BIRC3: variants seen among roughly 807,000 people sequenced by gnomAD.
BIRC3 encodes baculoviral IAP repeat-containing protein 3.
In BIRC3, 26 loss-of-function variants were observed where a neutral mutation model predicts 59.0. The observed-to-expected ratio is 0.44, with a 90% CI of 0.32 to 0.61. The LOEUF is 0.61. Among genes scored for constraint, BIRC3 ranks in the 20% least tolerant of loss-of-function variants. The probability of loss-of-function intolerance (pLI) is 0.04; values close to 1 mark genes in which losing one functional copy is unlikely to be tolerated. For synonymous variants in BIRC3, 243 were observed against 249.2 expected, an observed-to-expected ratio of 0.98 and a Z score of 0.24; for missense variants, 641 against 711.5, an observed-to-expected ratio of 0.90 and a Z score of 1.13.
chr11:102,326,988 T>C (rs1193786837), intron 3 of BIRC3: 2 of 338,228 alleles, frequency 5.9e-6, no homozygotes, highest in African/African-American at 4.4e-5. Context: ...GTTTTAAGAA[T>C]CTTAGAAGAG....
chr11:102,328,934 C>A lies in BIRC3; in HGVS notation c.1070C>A (p.Ala357Glu). 1 of 1,442,026 alleles carries A rather than the reference C, an allele frequency of 6.9e-7. No individual in the cohort carries two copies. The highest frequency in any genetic ancestry group is 9.1e-7 in the Non-Finnish European group (1 of 1,097,042). 89.3% of individuals were successfully genotyped at this position (1,442,026 alleles called of 1,614,324 possible). ...TCAGACAGCCCAGGAGATGAAAATG[C>A]AGAGTCATCAAGTAAGTACAATGGA... ...STSDSPGDEN[A>E]ESSIIHFEPG... The change falls in exon 5 of 9, where the codon GCA becomes GAA. Residue 357 changes from alanine to glutamate, a missense_variant. Physicochemically the swap from Ala to Glu is moderately radical, Grantham distance 107. Coordinates refer to ENST00000263464, the MANE Select transcript of BIRC3 (RefSeq NM_001165.5).
chr11:102,333,929 C>T (rs1014875225), intron 6 of BIRC3, among the ~76,000 whole-genome samples: 5 of 152,074 alleles, frequency 3.3e-5, no homozygotes, highest in African/African-American at 1.2e-4. Context: ...GGCGAGACCC[C>T]ATCACTACAA....
rs1951207542 is a variant in BIRC3, at chr11:102,337,353, A to C, written c.*251A>C. ...ACTACAAACACAATATTCAATCAAA[A>C]TTTCAGCATTATTGAAATTGTAAGT... On this transcript the variant is annotated 3_prime_UTR_variant, in exon 9 of 9. Coordinates refer to ENST00000263464, the MANE Select transcript of BIRC3 (RefSeq NM_001165.5). 1 of 402,482 alleles carries C rather than the reference A, an allele frequency of 2.5e-6. No individual in the cohort carries two copies. Among genetic ancestry groups the C allele is most frequent in the Non-Finnish European group, 4.4e-6 (1 of 229,100 alleles). The allele number at this position is 402,482 out of a possible 1,614,324, so 24.9% of individuals were successfully genotyped here.
intron 3 of BIRC3, chr11:102,326,673 A>C: frequency 2.2e-6 from 1 of 453,928 alleles, no homozygotes; most frequent in South Asian, 1.6e-5. Context: ...AATATCGATT[A>C]ATAAATGTGG....
rs755939734 is a variant in BIRC3 at position 102,331,545 on chromosome 11, T to C, written c.1324+304T>C. On this transcript the variant is annotated intron_variant, in intron 6 of 8. Transcript: ENST00000263464. ...GCATTCATGGCACATTTTTTTTTTC[T>C]TAACGCTTTGAAAATGGAATCCTTG... Among the ~76,000 whole-genome samples the C allele has an allele frequency of 1.8e-4, 27 of 152,280 alleles. No individual in the cohort carries two copies. The South Asian group carries it at 3.1e-3, about 18-fold the overall frequency.
chr11:102,327,911 G>T (rs2135786576), intron 3 of BIRC3, 141 bp from the exon 4 acceptor site: 2 of 602,102 alleles, frequency 3.3e-6, no homozygotes, highest in East Asian at 6.3e-5. Context: ...TAGAATAAAT[G>T]ATCTTAAATG....
chr11:102,338,320 A>G lies in BIRC3; in HGVS notation c.*1218A>G, dbSNP rs1399393929. ...GTTCTAGATGTCTGTATAGGGGCAG[A>G]TGGCTCTGTAAGGGCAGAAGGGAAA... On this transcript the variant is annotated 3_prime_UTR_variant, in exon 9 of 9. Transcript: ENST00000263464. 4.4e-6 allele frequency: 1 copy of G among 228,334 alleles called. No individual in the cohort carries two copies. Among genetic ancestry groups the G allele is most frequent in the Non-Finnish European group, 8.7e-6 (1 of 115,028 alleles). 14.1% of individuals were successfully genotyped at this position (228,334 alleles called of 1,614,324 possible).
chr11:102,331,162 T>A lies in BIRC3; in HGVS notation c.1245T>A (p.Asp415Glu), dbSNP rs947413657. 1.9e-6 allele frequency: 3 copies of A among 1,613,582 alleles called. No individual in the cohort carries two copies. Among genetic ancestry groups the A allele is most frequent in the Non-Finnish European group, 2.5e-6 (3 of 1,179,830 alleles). Residue 415 changes from aspartate (D) to glutamate (E), a missense_variant, in exon 6 of 9, where the codon GAT becomes GAA. Asp to Glu is a conservative substitution (Grantham distance 45, BLOSUM62 2). Transcript: ENST00000263464. ...ATGENYRLVNDLVLDLLNAED... is the reference protein window; with the variant it reads ...ATGENYRLVNELVLDLLNAED... ...GAGAGAATTATAGACTAGTCAATGA[T>A]CTTGTGTTAGACTTACTCAATGCAG...
In BIRC3 at chr11:102,324,813, G is replaced by C; in HGVS notation, c.304G>C (p.Val102Leu). Residue 102 changes from valine (V) to leucine (L), a missense_variant, in exon 2 of 9, where the codon GTT becomes CTT. By Grantham distance (32) the Val-to-Leu change is conservative. Around this residue, in one of 4 missense-constraint regions of BIRC3, gnomAD observed 329 missense variants for 365.6 expected, o/e 0.90. Transcript: ENST00000263464. Reference protein sequence around the residue: ...SCRFVQSLNSVNNLEATSQPT... With the variant: ...SCRFVQSLNSLNNLEATSQPT... ...CAGATTCGTTCAGAGTCTAAATTCC[G>C]TTAACAACTTGGAAGCTACCTCTCA... is the stretch of plus-strand genomic sequence containing the variant. The C allele has an allele frequency of 6.2e-7, 1 of 1,614,158 alleles. No individual in the cohort carries two copies.
At chr11:102,335,872 A>T in intron 6 of BIRC3, 94 bp from the exon 7 acceptor site, 1 of 1,307,932 alleles carries the variant, frequency 7.6e-7, no homozygotes, top group Non-Finnish European at 1.0e-6. Context: ...ATTACGAATT[A>T]AAGATAGTTT....
chr11:102,332,497 T>C (rs1334717897), intron 6 of BIRC3, among the ~76,000 whole-genome samples: 2 of 152,210 alleles, frequency 1.3e-5, no homozygotes, highest in Non-Finnish European at 2.9e-5. Context: ...TTTACACAAG[T>C]CACTAGGAAT....
At chr11:102,317,958 G>C (rs1950988045) in intron 1 of BIRC3, among the ~76,000 whole-genome samples, 3 of 152,274 alleles carry the variant, frequency 2.0e-5, no homozygotes, top group Admixed American at 1.3e-4. Flanking sequence ...CGTTTAATGA[G>C]CAAATGGACG....
At position 102,328,958 on chromosome 11, in the gene BIRC3, G is replaced by A. The variant is rs1242109082; in HGVS notation, c.1081+13G>A. On this transcript the variant is annotated intron_variant, in intron 5 of 8. Coordinates refer to ENST00000263464, the MANE Select transcript of BIRC3 (RefSeq NM_001165.5). ...GCAGAGTCATCAAGTAAGTACAATG[G>A]ATAATAATGAATGCATTTAAATAGA... 1.4e-6 allele frequency: 2 copies of A among 1,437,860 alleles called. No homozygotes were observed. The highest frequency in any genetic ancestry group is 9.2e-7 in the Non-Finnish European group (1 of 1,084,376). The allele number at this position is 1,437,860 out of a possible 1,614,324, so 89.1% of individuals were successfully genotyped here.
Position 102,339,296 on chromosome 11 carries a change from A to G in BIRC3, c.*2194A>G. The G allele has an allele frequency of 5.4e-6, 1 of 186,202 alleles. No individual in the cohort carries two copies. The highest frequency in any genetic ancestry group is 1.1e-5 in the Non-Finnish European group (1 of 88,244). 11.5% of individuals were successfully genotyped at this position (186,202 alleles called of 1,614,324 possible). On this transcript the variant is annotated 3_prime_UTR_variant, in exon 9 of 9. Coordinates refer to ENST00000263464, the MANE Select transcript of BIRC3 (RefSeq NM_001165.5). ...GTAAAACTTTTGTTCATTTCTCATT[A>G]TGGTAATAAATAGCTATTATAACCA...
chr11:102,333,516 A>G (rs149841376), intron 6 of BIRC3, among the ~76,000 whole-genome samples: 32 of 151,790 alleles, frequency 2.1e-4, no homozygotes, highest in African/African-American at 6.3e-4. Flanking sequence ...GCAATGAGCT[A>G]TGATCATATG....
chr11:102,336,878 C>T, intron 8 of BIRC3, 31 bp from the exon 9 acceptor site: 2 of 1,589,704 alleles, frequency 1.3e-6, no homozygotes, highest in Admixed American at 3.9e-5. Flanking sequence ...AAGCAAACTG[C>T]CTTTTATTAA....
At chr11:102,326,305 T>A (rs1591521161) in intron 3 of BIRC3, among the ~76,000 whole-genome samples, 1 of 152,292 alleles carries the variant, frequency 6.6e-6, no homozygotes, top group East Asian at 1.9e-4. Context: ...GTTACAATAT[T>A]AAATTGGGTG....
chr11:102,325,102 G>C lies in BIRC3; in HGVS notation c.593G>C (p.Gly198Ala), dbSNP rs1438790963. ...DLAKAGFYYIGPGDRVACFAC... is the reference protein window; with the variant it reads ...DLAKAGFYYIAPGDRVACFAC... ...GCAAAAGCAGGCTTTTACTACATAG[G>C]ACCTGGAGACAGAGTGGCTTGCTTT... The change falls in exon 2 of 9, where the codon GGA (glycine) becomes GCA (alanine). Residue 198 changes from glycine (G) to alanine (A), a missense_variant. Transcript: ENST00000263464. 6.2e-7 allele frequency: 1 copy of C among 1,614,178 alleles called. No individual in the cohort carries two copies. The highest frequency in any genetic ancestry group is 8.5e-7 in the Non-Finnish European group (1 of 1,180,036).
intron 6 of BIRC3, among the ~76,000 whole-genome samples, chr11:102,333,122 C>T (rs2135790508): frequency 6.6e-6 from 1 of 152,268 alleles, no homozygotes; most frequent in South Asian, 2.1e-4. Flanking sequence ...ATATATATCT[C>T]TACTACCTAG....
Sources: gnomAD v4.1 joint callset for allele counts (sites outside exome capture counted in the v4.1 genomes callset) on GRCh38, gnomAD v4.1.1 for gene constraint, gnomAD v4.1.1 regional missense constraint, MANE v1.5 for transcripts, NCBI Gene and HGNC (gene_info 2026-07-23, HGNC 2026-07-21) for gene names.